ZCCHC7: variants seen among roughly 807,000 people sequenced by gnomAD.
The protein encoded by ZCCHC7 is zinc finger CCHC domain-containing protein 7.
In ZCCHC7, 35 loss-of-function variants were observed where a neutral mutation model predicts 52.0. The observed-to-expected ratio is 0.67, with a 90% confidence interval of 0.51 to 0.89. The LOEUF (loss-of-function observed/expected upper bound fraction) is 0.89, where lower values mean the gene tolerates loss of function less well. ZCCHC7 is among the 40% of genes least tolerant of loss of function. The pLI, the probability that ZCCHC7 is intolerant of heterozygous loss-of-function variation, is 0.00. For missense variants in ZCCHC7, 574 were observed against 649.1 expected (o/e 0.88, Z 1.26); for synonymous variants, 217 against 221.5 (o/e 0.98, Z 0.18).
chr9:37,186,066 A>T (rs1028888682), intron 2 of ZCCHC7, among the ~76,000 whole-genome samples: 1 of 152,086 alleles, frequency 6.6e-6, no homozygotes, highest in Non-Finnish European at 1.5e-5. Context: ...TATTCAGTAA[A>T]CCTGAACTCT....
chr9:37,228,738 T>C (rs1825245067), intron 2 of ZCCHC7, among the ~76,000 whole-genome samples: 1 of 151,772 alleles, frequency 6.6e-6, no homozygotes, highest in Non-Finnish European at 1.5e-5. Context: ...AATATAAACA[T>C]GAATGCTTAT....
chr9:37,129,741 TAAAAG>T (rs1271379990), intron 2 of ZCCHC7, among the ~76,000 whole-genome samples: 4 of 152,294 alleles, frequency 2.6e-5, no homozygotes, highest in East Asian at 1.9e-4. Context: ...CAGTATGACA[TAAAAG>T]AAAAGACTAC....
At position 37,354,757 on chromosome 9, in the gene ZCCHC7, C is replaced by T. The variant is rs574951047; in HGVS notation, c.1131C>T (p.Phe377=). The change falls in exon 8 of 9, where the codon TTC becomes TTT. Residue 377 remains phenylalanine, a synonymous_variant. Transcript: ENST00000336755. This position sits in a 1 kb window ranked among gnomAD's most constrained non-coding sequence, Gnocchi z 4.0. ...ATGACCCGTCTCCAGTATCTCCATT[C>T]ATCTGCTACTATGATGACAAATATG... ...EVYDPSPVSP[F]ICYYDDKYEI... 1.9e-6 allele frequency: 3 copies of T among 1,613,438 alleles called. No individual in the cohort carries two copies. The highest frequency in any genetic ancestry group is 1.3e-5 in the African/African-American group (1 of 75,024).
chr9:37,120,532 A>T, upstream of ZCCHC7: 1 of 399,042 alleles, frequency 2.5e-6, no homozygotes, highest in Non-Finnish European at 4.4e-6. Flanking sequence ...GTCTGCGCGG[A>T]CGCGGCCTCC....
At chr9:37,150,966 GTT>G (rs1316435254) in intron 2 of ZCCHC7, among the ~76,000 whole-genome samples, 3 of 130,592 alleles carry the variant, frequency 2.3e-5, no homozygotes, top group Non-Finnish European at 3.3e-5. Context: ...GGGTTTTTTT[GTT>G]TTTTTTTTTT....
intron 2 of ZCCHC7, among the ~76,000 whole-genome samples, chr9:37,219,020 C>T (rs1824672319): frequency 6.7e-6 from 1 of 148,700 alleles, no homozygotes; most frequent in South Asian, 2.1e-4. Context: ...GCCAAGATTG[C>T]ACCACTGTGC....
chr9:37,343,118 G>A (rs7846944), intron 6 of ZCCHC7, among the ~76,000 whole-genome samples: 80,993 of 152,054 alleles, frequency 0.53, 21,989 homozygotes, highest in African/African-American at 0.62. Context: ...AGTAATTGCC[G>A]TTGAGGAAAG....
chr9:37,229,125 G>A (rs1052907557), intron 2 of ZCCHC7, among the ~76,000 whole-genome samples: 5 of 152,062 alleles, frequency 3.3e-5, no homozygotes, highest in East Asian at 1.9e-4. Flanking sequence ...GTGAGCCATC[G>A]CGCCCAGCAT....
intron 2 of ZCCHC7, among the ~76,000 whole-genome samples, chr9:37,291,225 C>T (rs1225593505): frequency 2.6e-5 from 4 of 152,190 alleles, no homozygotes; most frequent in African/African-American, 7.2e-5. Context: ...CAAAGAAACA[C>T]GTAGTCTAGG....
intron 2 of ZCCHC7, among the ~76,000 whole-genome samples, chr9:37,212,026 C>CAAAAAAAAAAAAAAAAAAAAAA (rs574190937): frequency 3.6e-5 from 2 of 55,424 alleles, no homozygotes; most frequent in Non-Finnish European, 6.6e-5. Flanking sequence ...GACTCCGTCT[C>CAAAAAAAAAAAAAAAAAAAAAA]AAAAAAAAAA....
intron 2 of ZCCHC7, among the ~76,000 whole-genome samples, chr9:37,227,218 C>T (rs1825160056): frequency 6.6e-6 from 1 of 151,952 alleles, no homozygotes; most frequent in South Asian, 2.1e-4. Flanking sequence ...AAAATATTTG[C>T]GAAGGATTTA....
At chr9:37,305,741 G>T (rs755277216) in intron 5 of ZCCHC7, 27 bp downstream of exon 5, 3 of 1,608,212 alleles carry the variant, frequency 1.9e-6, no homozygotes, top group Non-Finnish European at 1.7e-6. Context: ...TAACTAATTT[G>T]TCAGGCTTTG....
intron 2 of ZCCHC7, among the ~76,000 whole-genome samples, chr9:37,169,373 A>T (rs1457085214): frequency 6.6e-6 from 1 of 152,236 alleles, no homozygotes; most frequent in African/African-American, 2.4e-5. Flanking sequence ...GAATGGGACC[A>T]TACTTTTCAC....
chr9:37,336,696 T>G (rs1830680361), intron 6 of ZCCHC7, among the ~76,000 whole-genome samples: 1 of 152,198 alleles, frequency 6.6e-6, no homozygotes, highest in South Asian at 2.1e-4. Flanking sequence ...AAGCATTTTG[T>G]ATGGTTGGAA....
chr9:37,289,654 G>T (rs1828436050), intron 2 of ZCCHC7, among the ~76,000 whole-genome samples: 1 of 152,028 alleles, frequency 6.6e-6, no homozygotes, highest in Non-Finnish European at 1.5e-5. Flanking sequence ...CTTCTCAGTG[G>T]AGTGATTCTT....
chr9:37,250,900 C>T (rs1193033190), intron 2 of ZCCHC7, among the ~76,000 whole-genome samples: 1 of 152,152 alleles, frequency 6.6e-6, no homozygotes, highest in Non-Finnish European at 1.5e-5. Flanking sequence ...TTTTGATCAG[C>T]TGACCTATTG....
At chr9:37,259,988 A>G (rs1826786800) in intron 2 of ZCCHC7, among the ~76,000 whole-genome samples, 1 of 152,184 alleles carries the variant, frequency 6.6e-6, no homozygotes, top group Non-Finnish European at 1.5e-5. Context: ...TTCTAAAGCT[A>G]TTGCTATTTG....
chr9:37,192,418 A>G (rs1588457968), intron 2 of ZCCHC7, among the ~76,000 whole-genome samples: 2 of 152,076 alleles, frequency 1.3e-5, no homozygotes, highest in East Asian at 1.9e-4. Context: ...ACCTCTCCAT[A>G]TTTTCTTCTT....
At chr9:37,292,757 ATTTTTAGAG>A (rs781665696) in intron 2 of ZCCHC7, among the ~76,000 whole-genome samples, 15 of 152,208 alleles carry the variant, frequency 9.9e-5, no homozygotes, top group Non-Finnish European at 1.9e-4. Flanking sequence ...GTATTTTAGT[ATTTTTAGAG>A]TTTTTAAAAA....
Sources: gnomAD v4.1 joint callset for allele counts (sites outside exome capture counted in the v4.1 genomes callset) on GRCh38, gnomAD v4.1.1 for gene constraint, Gnocchi (gnomAD v3.1) non-coding constraint, MANE v1.5 for transcripts, NCBI Gene and HGNC (gene_info 2026-07-23, HGNC 2026-07-21) for gene names.